The following RASGRP1 variants were observed in gnomAD, a reference collection of about 807,000 sequenced individuals.
RASGRP1 encodes the protein RAS guanyl releasing protein 1, also known as RAS guanyl-releasing protein 1.
In RASGRP1, 37 loss-of-function variants were observed where a neutral mutation model predicts 95.1. That is an observed-to-expected ratio of 0.39 (90% confidence interval 0.30 to 0.51). The LOEUF (loss-of-function observed/expected upper bound fraction) is 0.51. Ranked by LOEUF, RASGRP1 falls within the 20% of genes least tolerant of loss-of-function variation. RASGRP1 has a pLI of 0.80. For missense variants in RASGRP1, 711 were observed against 965.4 expected (o/e 0.74, Z 3.49); for synonymous variants, 325 against 353.4 (o/e 0.92, Z 0.90).
chr15:38,560,520 C>G (rs1893761815), intron 1 of RASGRP1, among the ~76,000 whole-genome samples: 1 of 152,044 alleles, frequency 6.6e-6, no homozygotes, highest in Admixed American at 6.5e-5. Flanking sequence ...TGAGCAATAC[C>G]TGAGATACTA....
intron 5 of RASGRP1, among the ~76,000 whole-genome samples, 184 bp from the exon 6 acceptor site, chr15:38,516,534 G>C: frequency 6.6e-6 from 1 of 152,154 alleles, no homozygotes; most frequent in Non-Finnish European, 1.5e-5. Context: ...GCAGCCTCCA[G>C]GAGGTCTTGC....
chr15:38,534,037 G>C (rs1331593682), intron 2 of RASGRP1, among the ~76,000 whole-genome samples: 2 of 152,206 alleles, frequency 1.3e-5, no homozygotes, highest in Non-Finnish European at 2.9e-5. Flanking sequence ...GGTGCTTGCT[G>C]GGCTTCCTTT....
chr15:38,546,589 A>G (rs1034922952), intron 2 of RASGRP1, among the ~76,000 whole-genome samples: 9 of 152,162 alleles, frequency 5.9e-5, no homozygotes, highest in Admixed American at 3.3e-4. Flanking sequence ...AGTATCTACT[A>G]ACTTTCAGGT....
chr15:38,555,051 G>A (rs762205638), intron 2 of RASGRP1, among the ~76,000 whole-genome samples: 1 of 152,234 alleles, frequency 6.6e-6, no homozygotes, highest in African/African-American at 2.4e-5. Flanking sequence ...TTGGTGCACA[G>A]ACCAAGTTGC....
chr15:38,501,253 A>G lies in RASGRP1; in HGVS notation c.1573T>C (p.Tyr525His). ...GLISRDEITA[Y>H]FMRASSIYSK... ...TAGATTGAGCTGGCTCTCATGAAGTAGGCTGTGATCTCATCCCTGCTGATG... is the reference window on the plus strand; with the variant it reads ...TAGATTGAGCTGGCTCTCATGAAGTGGGCTGTGATCTCATCCCTGCTGATG... Residue 525 changes from tyrosine to histidine, a missense_variant, in exon 13 of 17, where the codon TAC becomes CAC. Physicochemically the swap from Tyr to His is moderately conservative, Grantham distance 83. Around this residue, in one of 3 missense-constraint regions of RASGRP1, gnomAD observed 491 missense variants for 676.6 expected, o/e 0.73. Coordinates refer to ENST00000310803, the MANE Select transcript of RASGRP1 (RefSeq NM_005739.4). 6.8e-6 allele frequency: 11 copies of G among 1,613,034 alleles called. No homozygotes were observed. The highest frequency in any genetic ancestry group is 9.3e-6 in the Non-Finnish European group (11 of 1,179,284).
At chr15:38,515,354 GT>G (rs1891716826) in intron 6 of RASGRP1, among the ~76,000 whole-genome samples, 1 of 152,176 alleles carries the variant, frequency 6.6e-6, no homozygotes, top group Admixed American at 6.5e-5. Flanking sequence ...GGTGAAGACT[GT>G]ATCTGTTGGT....
chr15:38,552,758 C>T (rs758835366), intron 2 of RASGRP1, among the ~76,000 whole-genome samples: 1 of 152,204 alleles, frequency 6.6e-6, no homozygotes, highest in East Asian at 1.9e-4. Context: ...TGTTTAATAA[C>T]TAGCTTGCAA....
At chr15:38,531,453 C>A (rs745814886) in intron 2 of RASGRP1, among the ~76,000 whole-genome samples, 4 of 152,208 alleles carry the variant, frequency 2.6e-5, no homozygotes, top group Non-Finnish European at 4.4e-5. Context: ...CGTGAAATAG[C>A]TTTTGTACTC....
At chr15:38,541,353 G>A (rs1892850398) in intron 2 of RASGRP1, among the ~76,000 whole-genome samples, 1 of 152,182 alleles carries the variant, frequency 6.6e-6, no homozygotes, top group Non-Finnish European at 1.5e-5. Flanking sequence ...CACTTGGGGA[G>A]TCTGGGGCGG....
At chr15:38,541,323 G>A (rs1020601327) in intron 2 of RASGRP1, among the ~76,000 whole-genome samples, 3 of 152,202 alleles carry the variant, frequency 2.0e-5, no homozygotes, top group African/African-American at 7.2e-5. Flanking sequence ...AAGGCCAGGT[G>A]TGGTGACGTG....
intron 1 of RASGRP1, among the ~76,000 whole-genome samples, chr15:38,560,621 G>C (rs187449763): frequency 6.6e-6 from 1 of 152,344 alleles, no homozygotes; most frequent in Admixed American, 6.5e-5. Flanking sequence ...GAGGGGTGAT[G>C]ATGGTGGTGT....
At chr15:38,549,505 C>T (rs996283747) in intron 2 of RASGRP1, among the ~76,000 whole-genome samples, 10 of 152,196 alleles carry the variant, frequency 6.6e-5, no homozygotes, top group Non-Finnish European at 1.2e-4. Flanking sequence ...GAAGAGGAGA[C>T]AGACATAGCT....
intron 7 of RASGRP1, 129 bp downstream of exon 7, chr15:38,512,654 A>C: frequency 8.6e-7 from 1 of 1,158,656 alleles, no homozygotes; most frequent in Non-Finnish European, 1.2e-6. Context: ...AAGGCACACA[A>C]ACCTCTCCAC....
chr15:38,561,275 T>C (rs1337367732), intron 1 of RASGRP1, among the ~76,000 whole-genome samples: 1 of 152,226 alleles, frequency 6.6e-6, no homozygotes, highest in African/African-American at 2.4e-5. Context: ...TGAGGGTACT[T>C]TATATACTCA....
chr15:38,504,681 T>C (rs749331580), intron 10 of RASGRP1: 2 of 151,320 alleles, frequency 1.3e-5, no homozygotes, highest in South Asian at 4.1e-4. Flanking sequence ...AAGTATTGTA[T>C]AGTAAGTGCA....
chr15:38,559,237 A>C (rs909630716), intron 2 of RASGRP1, among the ~76,000 whole-genome samples: 3 of 152,224 alleles, frequency 2.0e-5, no homozygotes, highest in African/African-American at 7.2e-5. Flanking sequence ...CATGGTGGGC[A>C]AAGGTGCTGA....
rs1324953213 is a variant in RASGRP1 at position 38,503,379 on chromosome 15, A to G, written c.1324-3T>C. On this transcript the variant is annotated splice_polypyrimidine_tract_variant and splice_region_variant and intron_variant, in intron 10 of 16. Coordinates refer to ENST00000310803, the MANE Select transcript of RASGRP1 (RefSeq NM_005739.4). ...GGTGGCTTTGAAGGTGTTAGTGGCT[A>G]AAATGAAATATTTAGAGAAATCCTC... is the stretch of plus-strand genomic sequence containing the variant. 1 of 1,587,410 alleles carries G rather than the reference A, an allele frequency of 6.3e-7. No individual in the cohort carries two copies. The highest frequency in any genetic ancestry group is 2.2e-5 in the East Asian group (1 of 44,466).
At chr15:38,505,653 A>C (rs1891224537) in intron 10 of RASGRP1, among the ~76,000 whole-genome samples, 187 bp downstream of exon 10, 1 of 152,180 alleles carries the variant, frequency 6.6e-6, no homozygotes, top group Non-Finnish European at 1.5e-5. Flanking sequence ...ACAGCTTTTT[A>C]ATGGACAGGA....
In RASGRP1 at chr15:38,512,828, C is replaced by A. The variant is rs754058746; in HGVS notation, c.804G>T (p.Pro268=). 1 of 1,613,660 alleles carries A rather than the reference C, an allele frequency of 6.2e-7. No homozygotes were observed. The highest frequency in any genetic ancestry group is 1.1e-5 in the South Asian group (1 of 91,060). ...TGATGAAGACTTCTGCTCGGAGCTG[C>A]GGCGTGGGGCGGCTGAGAACCATCA... ...VQLMVLSRPT[P]QLRAEVFIKF... is the part of the protein sequence containing the mutation. Residue 268 remains proline, a synonymous_variant, in exon 7 of 17, where the codon CCG becomes CCT. Transcript: ENST00000310803.
Sources: allele counts gnomAD v4.1 joint callset (sites outside exome capture counted in the v4.1 genomes callset), GRCh38; gene constraint gnomAD v4.1.1; regional missense constraint gnomAD v4.1.1; transcripts MANE v1.5; gene names NCBI Gene and HGNC (gene_info 2026-07-23, HGNC 2026-07-21).